Variants in EEIG2 observed in about 807,000 individuals in gnomAD.
The protein encoded by EEIG2 is family with sequence similarity 102 member B.
chr1:108,560,104 G>GGGC, the EEIG2 span: 1 of 175,942 alleles, frequency 5.7e-6, no homozygotes, highest in Non-Finnish European at 1.1e-5. Flanking sequence ...ACTCCCAGAC[G>GGGC]GGCGGCAGCG....
chr1:108,574,104 G>T, the EEIG2 span, among the ~76,000 whole-genome samples: 2 of 152,256 alleles, frequency 1.3e-5, no homozygotes, highest in South Asian at 4.1e-4. Flanking sequence ...AAAGGTAGAA[G>T]AAAACTAAGT....
At chr1:108,616,585 A>G in the EEIG2 span, among the ~76,000 whole-genome samples, 2 of 152,286 alleles carry the variant, frequency 1.3e-5, no homozygotes, top group African/African-American at 2.4e-5. Context: ...CTTAGAAGTT[A>G]TGTTTACCTA....
chr1:108,588,848 AC>A, the EEIG2 span, among the ~76,000 whole-genome samples: 12 of 148,402 alleles, frequency 8.1e-5, no homozygotes, highest in Non-Finnish European at 1.5e-4. Flanking sequence ...TAGGGGACAT[AC>A]GTTTTTTTAA....
the EEIG2 span, among the ~76,000 whole-genome samples, chr1:108,605,909 C>T: frequency 6.6e-6 from 1 of 152,082 alleles, no homozygotes; most frequent in African/African-American, 2.4e-5. Flanking sequence ...AATAATTTAA[C>T]CTTTCTTTGG....
At chr1:108,565,359 C>T in the EEIG2 span, among the ~76,000 whole-genome samples, 1 of 152,222 alleles carries the variant, frequency 6.6e-6, no homozygotes, top group Non-Finnish European at 1.5e-5. Context: ...GCTCTGACCA[C>T]ATCGTGTATT....
At chr1:108,613,963 A>G in the EEIG2 span, among the ~76,000 whole-genome samples, 3 of 151,134 alleles carry the variant, frequency 2.0e-5, no homozygotes, top group African/African-American at 7.3e-5. Flanking sequence ...AGACCTTTTT[A>G]CTCCTAGAAA....
the EEIG2 span, among the ~76,000 whole-genome samples, chr1:108,633,081 A>G: frequency 6.6e-6 from 1 of 151,762 alleles, no homozygotes; most frequent in African/African-American, 2.4e-5. Flanking sequence ...CGTTGTGCCA[A>G]GCCTTCAACC....
chr1:108,598,334 CAAAAAA>C, the EEIG2 span, among the ~76,000 whole-genome samples: 1 of 91,884 alleles, frequency 1.1e-5, no homozygotes, highest in Non-Finnish European at 2.2e-5. Flanking sequence ...ACCCTGTATC[CAAAAAA>C]AAAAAAAAAA....
chr1:108,565,788 T>G, the EEIG2 span, among the ~76,000 whole-genome samples: 2 of 152,234 alleles, frequency 1.3e-5, no homozygotes, highest in African/African-American at 4.8e-5. Flanking sequence ...GAGTACATCC[T>G]TCTGTTTTCA....
At chr1:108,609,087 C>A in the EEIG2 span, among the ~76,000 whole-genome samples, 1 of 152,134 alleles carries the variant, frequency 6.6e-6, no homozygotes, top group Non-Finnish European at 1.5e-5. Flanking sequence ...TTTGGGGGGA[C>A]ATAAACATGC....
At chr1:108,619,286 T>C in the EEIG2 span, among the ~76,000 whole-genome samples, 1 of 152,218 alleles carries the variant, frequency 6.6e-6, no homozygotes, top group Non-Finnish European at 1.5e-5. Flanking sequence ...CATTACCTAA[T>C]TCCAAATACA....
At chr1:108,602,211 A>G in the EEIG2 span, among the ~76,000 whole-genome samples, 2 of 152,156 alleles carry the variant, frequency 1.3e-5, no homozygotes, top group African/African-American at 4.8e-5. Flanking sequence ...TAGGACCTGA[A>G]AGCAAAAAAG....
At chr1:108,628,068 A>G in the EEIG2 span, 1 of 979,578 alleles carries the variant, frequency 1.0e-6, no homozygotes, top group East Asian at 2.5e-5. Context: ...TTGTTTTGAT[A>G]ATGAACTTGG....
the EEIG2 span, among the ~76,000 whole-genome samples, chr1:108,605,923 T>G: frequency 6.6e-6 from 1 of 152,182 alleles, no homozygotes; most frequent in Non-Finnish European, 1.5e-5. Flanking sequence ...TCTTTGGTGA[T>G]TCAGGTTTTT....
chr1:108,605,405 T>G, the EEIG2 span, among the ~76,000 whole-genome samples: 37 of 152,204 alleles, frequency 2.4e-4, no homozygotes, highest in Non-Finnish European at 5.0e-4. Context: ...CATAGATTGT[T>G]CCTTAACATA....
chr1:108,635,310 C>T, the EEIG2 span: 1 of 825,736 alleles, frequency 1.2e-6, no homozygotes, highest in Non-Finnish European at 1.9e-6. Flanking sequence ...CATCCTGTAC[C>T]AGCCACCAAA....
chr1:108,623,629 G>A, the EEIG2 span, among the ~76,000 whole-genome samples: 1 of 152,170 alleles, frequency 6.6e-6, no homozygotes, highest in Non-Finnish European at 1.5e-5. Context: ...AATATCTCAT[G>A]TAACCCATAA....
the EEIG2 span, among the ~76,000 whole-genome samples, chr1:108,587,701 G>T: frequency 6.6e-6 from 1 of 152,064 alleles, no homozygotes; most frequent in Non-Finnish European, 1.5e-5. Context: ...TACCTTATCC[G>T]TAGGAAAATT....
At chr1:108,621,252 A>G in the EEIG2 span, among the ~76,000 whole-genome samples, 1 of 152,198 alleles carries the variant, frequency 6.6e-6, no homozygotes, top group South Asian at 2.1e-4. Flanking sequence ...TCAGAACAAA[A>G]GGGGTAATGG....
Sources: gnomAD v4.1 joint callset for allele counts (sites outside exome capture counted in the v4.1 genomes callset) on GRCh38, gnomAD v4.1.1 for gene constraint, MANE v1.5 for transcripts, NCBI Gene and HGNC (gene_info 2026-07-23, HGNC 2026-07-21) for gene names.